BLZF1: variants seen among roughly 807,000 people sequenced by gnomAD.
The protein encoded by BLZF1 is basic leucine zipper nuclear factor 1.
A neutral mutation model predicts 43.8 loss-of-function variants in BLZF1; 39 were observed. That is an observed-to-expected ratio of 0.89 (90% CI 0.69 to 1.16). BLZF1 has a LOEUF of 1.16. Ranked by LOEUF, BLZF1 falls within the 50% of genes most tolerant of loss-of-function variation. BLZF1 has a pLI of 0.00. For missense variants in BLZF1, 449 were observed against 469.8 expected (o/e 0.96, Z 0.41); for synonymous variants, 136 against 159.4 (o/e 0.85, Z 1.11).
At chr1:169,390,579 A>G (rs1571447539), downstream of BLZF1, among the ~76,000 whole-genome samples, 1 of 152,348 alleles carries the variant, frequency 6.6e-6, no homozygotes, top group Non-Finnish European at 1.5e-5. Context: ...AAAGACATGT[A>G]TTAGTCCACT....
At chr1:169,395,543 A>G (rs1198009583) in intron 7 of BLZF1, among the ~76,000 whole-genome samples, 1 of 152,192 alleles carries the variant, frequency 6.6e-6, no homozygotes, top group African/African-American at 2.4e-5. Context: ...GTAGATTCCA[A>G]ATAACTTACT....
rs1654717058 is a variant in BLZF1, at chr1:169,387,794, T to C, written c.*612T>C. The C allele has an allele frequency of 6.6e-6, 1 of 152,174 alleles. No individual in the cohort carries two copies. Among genetic ancestry groups the C allele is most frequent in the African/African-American group, 2.4e-5 (1 of 41,448 alleles). The allele number at this position is 152,174 out of a possible 1,614,324, so 9.4% of individuals were successfully genotyped here. On this transcript the variant is annotated 3_prime_UTR_variant, in exon 7 of 7. Transcript: ENST00000367808. ...GGTGAAGGGATTAATCTTTTAAAAA[T>C]AAATGCTATATATTAGGAAAATAAA... is the stretch of plus-strand genomic sequence containing the variant.
chr1:169,386,907 G>A (rs1307895993), intron 6 of BLZF1, 90 bp from the exon 7 acceptor site: 1 of 892,930 alleles, frequency 1.1e-6, no homozygotes, highest in Admixed American at 2.8e-5. Context: ...TTAATGAAGT[G>A]AAACTTTATA....
Position 169,371,396 on chromosome 1 carries a change from G to A in BLZF1, c.28+1846G>A, listed in dbSNP as rs193267427. Among the ~76,000 whole-genome samples, 422 of 152,272 alleles carry A rather than the reference G, an allele frequency of 2.8e-3. 1 individual carries two copies. The highest frequency in any genetic ancestry group is 0.014 in the Middle Eastern group (4 of 294). ...TTACTTGTTTTTAATGAGGATTAGAGTTATAAGGCACTTTAACAAACATTA... is the reference window on the plus strand; with the variant it reads ...TTACTTGTTTTTAATGAGGATTAGAATTATAAGGCACTTTAACAAACATTA... On this transcript the variant is annotated intron_variant, in intron 2 of 6. Transcript: ENST00000367808.
intron 5 of BLZF1, 70 bp from the exon 6 acceptor site, chr1:169,381,992 C>A (rs1654539839): frequency 9.2e-7 from 1 of 1,086,092 alleles, no homozygotes; most frequent in Non-Finnish European, 1.4e-6. Flanking sequence ...TTTGTATTAC[C>A]TATTTACTAT....
In BLZF1 at chr1:169,376,648, G is replaced by A; in HGVS notation, c.137G>A (p.Ser46Asn). 6.2e-7 allele frequency: 1 copy of A among 1,613,334 alleles called. No homozygotes were observed. Among genetic ancestry groups the A allele is most frequent in the Non-Finnish European group, 8.5e-7 (1 of 1,179,558 alleles). ...GGAGTCCAATCTAGAAAGCATCATA[G>A]TCTTCAGAGTCCATGGAAGAAAGCA... ...TSGVQSRKHH[S>N]LQSPWKKAVP... The change falls in exon 3 of 7, where the codon AGT becomes AAT. Residue 46 changes from serine to asparagine, a missense_variant. Transcript: ENST00000367808.
At chr1:169,378,898 C>T (rs760028252) in intron 4 of BLZF1, among the ~76,000 whole-genome samples, 7 of 151,864 alleles carry the variant, frequency 4.6e-5, no homozygotes, top group East Asian at 1.9e-4. Context: ...ATTCTAAATG[C>T]GCTTTTCTCA....
chr1:169,377,761 G>T lies in BLZF1; in HGVS notation c.469-569G>T, dbSNP rs189993610. On this transcript the variant is annotated intron_variant, in intron 3 of 6. Transcript: ENST00000367808. ...GTTATTAATGTTCTGCCATGTCACA[G>T]AATATTCTATTACAGTGTCATTGTT... Among the ~76,000 whole-genome samples, 274 of 151,996 alleles carry T rather than the reference G, an allele frequency of 1.8e-3. 1 individual carries two copies. The highest frequency in any genetic ancestry group is 6.1e-3 in the African/African-American group (255 of 41,488).
At chr1:169,369,088 G>A (rs12023892) in intron 1 of BLZF1, among the ~76,000 whole-genome samples, 13,875 of 152,214 alleles carry the variant, frequency 0.091, 831 homozygotes, top group Admixed American at 0.13. Flanking sequence ...ATATGTGTGT[G>A]TGTGTATACA....
downstream of BLZF1, among the ~76,000 whole-genome samples, chr1:169,391,326 A>G (rs1300058768): frequency 1.3e-5 from 2 of 152,150 alleles, no homozygotes; most frequent in Non-Finnish European, 2.9e-5. Context: ...AGGGTTGTGC[A>G]CTTTTGAGCA....
rs1470572243 is a variant in BLZF1, at chr1:169,369,478, TCAG to T, written c.-41_-39del. 1.9e-6 allele frequency: 3 copies of T among 1,572,034 alleles called. No individual in the cohort carries two copies. The highest frequency in any genetic ancestry group is 2.6e-6 in the Non-Finnish European group (3 of 1,151,602). On this transcript the variant is annotated 5_prime_UTR_variant, in exon 2 of 7. Coordinates refer to ENST00000367808, the MANE Select transcript of BLZF1 (RefSeq NM_001320973.2). Reference sequence around the variant, plus strand: ...TCATATGCATACATTTCTAGGTTGTTCAGCAGAAGTCTTGGAGTGCATTTTCAG... The same window carrying T: ...TCATATGCATACATTTCTAGGTTGTTCAGAAGTCTTGGAGTGCATTTTCAG...
intron 2 of BLZF1, among the ~76,000 whole-genome samples, chr1:169,371,774 T>G (rs1654128141): frequency 6.6e-6 from 1 of 152,110 alleles, no homozygotes; most frequent in Non-Finnish European, 1.5e-5. Context: ...GGATTAAAAT[T>G]GAAAATAAAG....
chr1:169,377,781 A>G (rs182623613), intron 3 of BLZF1, among the ~76,000 whole-genome samples: 162 of 152,110 alleles, frequency 1.1e-3, no homozygotes, highest in Non-Finnish European at 1.8e-3. Context: ...TTACAGTGTC[A>G]TTGTTAATAG....
At chr1:169,392,945 TTTTAAAAAGAGAAACAGAAGTG>T (rs1197635097), downstream of BLZF1, among the ~76,000 whole-genome samples, 4 of 152,120 alleles carry the variant, frequency 2.6e-5, no homozygotes. Context: ...AGTTGCATCC[TTTTAAAAAGAGAAACAGAAGTG>T]TTTCTCTGAG....
chr1:169,378,189 T>C (rs1185958012), intron 3 of BLZF1, 141 bp from the exon 4 acceptor site: 1 of 714,646 alleles, frequency 1.4e-6, no homozygotes, highest in South Asian at 1.9e-5. Context: ...AACTTAAATA[T>C]TTAATTTTAC....
downstream of BLZF1, chr1:169,388,384 CT>C (rs534464778): frequency 1.3e-5 from 2 of 152,178 alleles, no homozygotes; most frequent in South Asian, 4.1e-4. Flanking sequence ...CCAATTGATT[CT>C]TCAGCCTTTT....
intron 1 of BLZF1, among the ~76,000 whole-genome samples, chr1:169,368,944 A>G (rs1395084609): frequency 6.6e-6 from 1 of 152,148 alleles, no homozygotes; most frequent in Non-Finnish European, 1.5e-5. Context: ...CATGGGCTCG[A>G]TATGTTTCTC....
chr1:169,374,075 A>G (rs1043285902), intron 2 of BLZF1, among the ~76,000 whole-genome samples: 4 of 152,016 alleles, frequency 2.6e-5, no homozygotes, highest in African/African-American at 9.7e-5. Context: ...AGATTTTAAG[A>G]ATACAGGTAG....
chr1:169,386,696 G>C (rs1480469804), intron 6 of BLZF1, among the ~76,000 whole-genome samples: 1 of 127,876 alleles, frequency 7.8e-6, no homozygotes, highest in Non-Finnish European at 1.7e-5. Flanking sequence ...AAAAAAAAAA[G>C]ACATAATGAT....
Sources: allele counts gnomAD v4.1 joint callset (sites outside exome capture counted in the v4.1 genomes callset), GRCh38; gene constraint gnomAD v4.1.1; transcripts MANE v1.5; gene names NCBI Gene and HGNC (gene_info 2026-07-23, HGNC 2026-07-21).